Variants in RIGI observed in about 807,000 individuals in gnomAD.
RIGI encodes antiviral innate immune response receptor RIG-I.
the RIGI span, chr9:32,488,070 G>A: frequency 4.3e-6 from 7 of 1,614,038 alleles, no homozygotes; most frequent in Non-Finnish European, 5.9e-6. Context: ...AAGATGGATA[G>A]TGATGGAATC....
the RIGI span, among the ~76,000 whole-genome samples, chr9:32,474,924 C>G: frequency 6.6e-6 from 1 of 151,944 alleles, no homozygotes; most frequent in East Asian, 1.9e-4. Flanking sequence ...GATGTCATTC[C>G]TCCCCAATTT....
At chr9:32,485,385 T>G in the RIGI span, 1 of 776,026 alleles carries the variant, frequency 1.3e-6, no homozygotes, top group Non-Finnish European at 2.1e-6. Context: ...TCTCTGCCTT[T>G]GATACTTCCT....
the RIGI span, chr9:32,489,416 G>A: frequency 3.1e-6 from 5 of 1,613,090 alleles, no homozygotes; most frequent in Non-Finnish European, 3.4e-6. Flanking sequence ...TAATTTCTTG[G>A]TTTAAATGGG....
At chr9:32,492,823 T>C in the RIGI span, among the ~76,000 whole-genome samples, 3 of 152,182 alleles carry the variant, frequency 2.0e-5, no homozygotes, top group Non-Finnish European at 1.5e-5. Flanking sequence ...AAGAAAATAA[T>C]CATTTGACAA....
At chr9:32,505,109 A>G in the RIGI span, among the ~76,000 whole-genome samples, 1 of 146,766 alleles carries the variant, frequency 6.8e-6, no homozygotes, top group East Asian at 1.9e-4. Context: ...TATATATGTC[A>G]CAATTAAAGT....
At chr9:32,493,069 C>G in the RIGI span, among the ~76,000 whole-genome samples, 1 of 152,090 alleles carries the variant, frequency 6.6e-6, no homozygotes, top group African/African-American at 2.4e-5. Context: ...ATTTTACACA[C>G]AAGGAAACAG....
chr9:32,502,884 T>C, the RIGI span, among the ~76,000 whole-genome samples: 9 of 152,254 alleles, frequency 5.9e-5, no homozygotes, highest in African/African-American at 1.9e-4. Flanking sequence ...ACCAGTCATA[T>C]TGAACTAGGG....
the RIGI span, among the ~76,000 whole-genome samples, chr9:32,484,639 C>G: frequency 3.9e-5 from 6 of 152,336 alleles, no homozygotes; most frequent in African/African-American, 1.4e-4. Context: ...CAATCCATCT[C>G]TACTGCCTCT....
At chr9:32,515,668 G>A in the RIGI span, among the ~76,000 whole-genome samples, 1 of 152,108 alleles carries the variant, frequency 6.6e-6, no homozygotes, top group Non-Finnish European at 1.5e-5. Context: ...ATTTATTCCT[G>A]AGTCTACTCT....
At chr9:32,499,903 C>A in the RIGI span, among the ~76,000 whole-genome samples, 1 of 152,194 alleles carries the variant, frequency 6.6e-6, no homozygotes, top group Non-Finnish European at 1.5e-5. Flanking sequence ...TACAGGCACA[C>A]GCCACCATGT....
At chr9:32,492,047 G>T in the RIGI span, among the ~76,000 whole-genome samples, 28 of 152,304 alleles carry the variant, frequency 1.8e-4, no homozygotes, top group Admixed American at 3.3e-4. Flanking sequence ...AAGGGGGTAA[G>T]TCCTGGAGTT....
chr9:32,501,018 G>A, the RIGI span: 1 of 1,520,420 alleles, frequency 6.6e-7, no homozygotes, highest in Admixed American at 1.9e-5. Context: ...AGGATCACCA[G>A]ACCTTCCCAA....
chr9:32,514,064 G>T, the RIGI span, among the ~76,000 whole-genome samples: 3 of 152,150 alleles, frequency 2.0e-5, no homozygotes, highest in African/African-American at 7.2e-5. Context: ...TCATTAAAAA[G>T]TCAGGAAACA....
the RIGI span, among the ~76,000 whole-genome samples, chr9:32,478,737 T>A: frequency 1.3e-5 from 2 of 151,886 alleles, no homozygotes; most frequent in East Asian, 1.9e-4. Flanking sequence ...TTTTTGTATT[T>A]TTTGTAGAGA....
the RIGI span, among the ~76,000 whole-genome samples, chr9:32,499,821 C>G: frequency 8.0e-4 from 122 of 152,258 alleles, no homozygotes; most frequent in Non-Finnish European, 1.5e-3. Flanking sequence ...GCAGCGCCAT[C>G]ATAGCTCACT....
the RIGI span, among the ~76,000 whole-genome samples, chr9:32,499,316 G>GTTTT: frequency 1.5e-3 from 88 of 57,644 alleles, no homozygotes; most frequent in South Asian, 2.1e-3. Context: ...TTTGTGATTT[G>GTTTT]TTTTTTTTTT....
At chr9:32,505,610 C>G in the RIGI span, among the ~76,000 whole-genome samples, 5 of 152,252 alleles carry the variant, frequency 3.3e-5, no homozygotes, top group South Asian at 8.3e-4. Context: ...GTAATATCCT[C>G]TAGAAACCAT....
the RIGI span, among the ~76,000 whole-genome samples, chr9:32,476,229 G>T: frequency 1.3e-5 from 2 of 152,318 alleles, no homozygotes; most frequent in Non-Finnish European, 2.9e-5. Context: ...CATAGTGACA[G>T]CATGAAGCCA....
At chr9:32,517,589 G>A in the RIGI span, among the ~76,000 whole-genome samples, 9 of 152,242 alleles carry the variant, frequency 5.9e-5, no homozygotes, top group East Asian at 1.9e-4. Flanking sequence ...ATACATTTTT[G>A]TCTCGGCTTT....
Sources: allele counts gnomAD v4.1 joint callset (sites outside exome capture counted in the v4.1 genomes callset), GRCh38; gene constraint gnomAD v4.1.1; transcripts MANE v1.5; gene names NCBI Gene and HGNC (gene_info 2026-07-23, HGNC 2026-07-21).